The following CA10 variants were observed in gnomAD, a reference collection of about 807,000 sequenced individuals.
CA10 encodes carbonic anhydrase-related protein 10.
In CA10, 14 loss-of-function variants were observed where a neutral mutation model predicts 44.2. That is an observed-to-expected ratio of 0.32 (90% CI 0.21 to 0.50). The LOEUF is 0.50. Ranked by LOEUF, CA10 falls within the 20% of genes least tolerant of loss-of-function variation. The pLI is 0.99. For synonymous variants in CA10, 159 were observed against 141.6 expected, an observed-to-expected ratio of 1.12 and a Z score of -0.87; for missense variants, 350 against 409.7, an observed-to-expected ratio of 0.85 and a Z score of 1.26.
At chr17:51,944,162 A>G (rs969228434) in intron 2 of CA10, among the ~76,000 whole-genome samples, 7 of 152,184 alleles carry the variant, frequency 4.6e-5, no homozygotes, top group African/African-American at 1.2e-4. Context: ...GGATTTCCCA[A>G]TTCCCACATT....
rs1412493644 is a variant in CA10 at position 51,982,145 on chromosome 17, G to A, written c.137-51013C>T. Among the ~76,000 whole-genome samples, 27 of 151,854 alleles carry A rather than the reference G, an allele frequency of 1.8e-4. 1 individual carries two copies. The highest frequency in any genetic ancestry group is 1.7e-3 in the Admixed American group (26 of 15,202). On this transcript the variant is annotated intron_variant, in intron 2 of 8. Transcript: ENST00000451037. The stretch of plus-strand genomic sequence containing the variant: ...CTCTTCAAACATTTAGAACTATAGG[G>A]GCCAGGTAAACATCAAGGAGAAATT...
chr17:51,812,355 T>C (rs569535835), intron 3 of CA10, among the ~76,000 whole-genome samples: 1 of 152,248 alleles, frequency 6.6e-6, no homozygotes, highest in Admixed American at 6.5e-5. Flanking sequence ...AGAGATAGCA[T>C]AAAATGGTGT....
chr17:51,823,707 A>G (rs9896032), intron 3 of CA10, among the ~76,000 whole-genome samples: 22,961 of 152,186 alleles, frequency 0.15, 3,065 homozygotes, highest in African/African-American at 0.36. Context: ...TCTTAGTGGT[A>G]GAATTGTTAG....
intron 1 of CA10, among the ~76,000 whole-genome samples, chr17:52,112,145 T>C (rs1188554706): frequency 6.6e-6 from 1 of 152,054 alleles, no homozygotes; most frequent in East Asian, 1.9e-4. Context: ...CCAGATTTCA[T>C]TTTAGTTCTA....
chr17:52,068,734 T>A (rs2191411), intron 2 of CA10, among the ~76,000 whole-genome samples: 3 of 152,192 alleles, frequency 2.0e-5, no homozygotes, highest in Non-Finnish European at 2.9e-5. Context: ...ATAGAAGATA[T>A]GGGTTTTTCT....
chr17:51,920,202 C>T (rs1421053697), intron 3 of CA10, among the ~76,000 whole-genome samples: 1 of 152,142 alleles, frequency 6.6e-6, no homozygotes, highest in Non-Finnish European at 1.5e-5. Context: ...GTCAATCTTT[C>T]TGTGTTTAGT....
At chr17:51,831,913 G>A (rs528012526) in intron 3 of CA10, among the ~76,000 whole-genome samples, 12 of 152,176 alleles carry the variant, frequency 7.9e-5, no homozygotes, top group African/African-American at 2.9e-4. Flanking sequence ...GGAGGGAAGG[G>A]GTTGCTAGAT....
chr17:52,062,149 C>A (rs1987405676), intron 2 of CA10, among the ~76,000 whole-genome samples: 1 of 139,304 alleles, frequency 7.2e-6, no homozygotes, highest in East Asian at 2.2e-4. Context: ...CTCACAGCAA[C>A]CTTCGCCTCC....
chr17:51,901,325 GGGGCCTGGTACCCAGCCCCCAGC>G (rs1981305592), intron 3 of CA10, among the ~76,000 whole-genome samples: 1 of 152,210 alleles, frequency 6.6e-6, no homozygotes, highest in East Asian at 1.9e-4. Flanking sequence ...TCTAACTCTG[GGGGCCTGGTACCCAGCCCCCAGC>G]TTTGTTCTCT....
intron 2 of CA10, among the ~76,000 whole-genome samples, chr17:51,941,446 C>T (rs1170353943): frequency 6.6e-6 from 1 of 151,950 alleles, no homozygotes; most frequent in Non-Finnish European, 1.5e-5. Flanking sequence ...TTTTTCTTGC[C>T]CCATGTAATT....
At chr17:51,908,901 G>C (rs1426502194) in intron 3 of CA10, among the ~76,000 whole-genome samples, 2 of 152,114 alleles carry the variant, frequency 1.3e-5, no homozygotes, top group Non-Finnish European at 2.9e-5. Flanking sequence ...ATCAAACTCT[G>C]ATTATGCTAA....
In CA10 at chr17:52,003,961, A is replaced by G. The variant is rs1243602958; in HGVS notation, c.136+68358T>C. The stretch of plus-strand genomic sequence containing the variant: ...AAACAAAAAAAAAAAAACCCTTAAC[A>G]CAACACATAATAAGTATCTGTCTCT... On this transcript the variant is annotated intron_variant, in intron 2 of 8. Coordinates refer to ENST00000451037, the MANE Select transcript of CA10 (RefSeq NM_020178.5). Among the ~76,000 whole-genome samples, 3 of 151,858 alleles carry G rather than the reference A, an allele frequency of 2.0e-5. No homozygotes were observed. In the East Asian group the frequency reaches 5.8e-4, roughly 30 times the overall value.
At chr17:51,886,455 T>G (rs16950700) in intron 3 of CA10, among the ~76,000 whole-genome samples, 3,072 of 152,308 alleles carry the variant, frequency 0.02, 84 homozygotes, top group African/African-American at 0.07. Flanking sequence ...GAATCAGATC[T>G]TTGCAGTAGT....
At chr17:51,823,027 T>C (rs1480312866) in intron 3 of CA10, among the ~76,000 whole-genome samples, 1 of 152,224 alleles carries the variant, frequency 6.6e-6, no homozygotes, top group Non-Finnish European at 1.5e-5. Flanking sequence ...AGAGAGATTT[T>C]AAACATTTCC....
chr17:52,152,235 C>A (rs776514438), intron 1 of CA10, among the ~76,000 whole-genome samples: 1 of 152,030 alleles, frequency 6.6e-6, no homozygotes, highest in Admixed American at 6.6e-5. Context: ...GAATTTCAAA[C>A]AAATTTTAAC....
At chr17:51,731,823 A>G (rs2143562388) in intron 4 of CA10, among the ~76,000 whole-genome samples, 1 of 151,994 alleles carries the variant, frequency 6.6e-6, no homozygotes, top group Non-Finnish European at 1.5e-5. Context: ...GATTACAGAC[A>G]CCCACCACCA....
intron 3 of CA10, chr17:51,748,500 C>A: frequency 2.5e-5 from 25 of 985,264 alleles, no homozygotes; most frequent in Non-Finnish European, 3.0e-5. Flanking sequence ...CCTTTTCCTT[C>A]TTTTCTTGCT....
intron 1 of CA10, among the ~76,000 whole-genome samples, chr17:52,099,294 A>C (rs1330576195): frequency 2.0e-5 from 3 of 152,198 alleles, no homozygotes; most frequent in African/African-American, 7.2e-5. Flanking sequence ...GAACACACTG[A>C]CATTGAAAAG....
intron 3 of CA10, among the ~76,000 whole-genome samples, chr17:51,867,084 A>G (rs1044149189): frequency 6.6e-5 from 10 of 152,178 alleles, no homozygotes; most frequent in African/African-American, 2.2e-4. Context: ...TGCTATTAAA[A>G]AAAAAAGAGC....
Sources: allele counts gnomAD v4.1 joint callset (sites outside exome capture counted in the v4.1 genomes callset), GRCh38; gene constraint gnomAD v4.1.1; transcripts MANE v1.5; gene names NCBI Gene and HGNC (gene_info 2026-07-23, HGNC 2026-07-21).